DNAJC13: variants seen among roughly 807,000 people sequenced by gnomAD.
DNAJC13 encodes the protein DnaJ heat shock protein family (Hsp40) member C13.
Under a neutral mutation model 290.5 loss-of-function variants are expected in DNAJC13, and 75 were observed. That is an observed-to-expected ratio of 0.26 (90% CI 0.21 to 0.31). The LOEUF (loss-of-function observed/expected upper bound fraction) is 0.31. Ranked by LOEUF, DNAJC13 falls within the 10% of genes least tolerant of loss-of-function variation. The pLI is 1.00. For missense variants in DNAJC13, 2,260 were observed against 2,674.5 expected, an observed-to-expected ratio of 0.85 and a Z score of 3.42; for synonymous variants, 862 against 892.0, an observed-to-expected ratio of 0.97 and a Z score of 0.60.
At position 132,421,288 on chromosome 3, in the gene DNAJC13, T is replaced by C. The variant is rs190346265; in HGVS notation, c.-14+3528T>C. Among the ~76,000 whole-genome samples, 554 of 152,358 alleles carry C rather than the reference T, an allele frequency of 3.6e-3. 4 individuals are homozygous for C. Among genetic ancestry groups the C allele is most frequent in the African/African-American group, 0.013 (529 of 41,588 alleles). ...ATAAGCAAATGTGACATTTTCATTA[T>C]GCTCAAATTGTTCAGTAATACACCA... On this transcript the variant is annotated intron_variant, in intron 1 of 55. Coordinates refer to ENST00000260818, the MANE Select transcript of DNAJC13 (RefSeq NM_015268.4).
At chr3:132,428,626 A>G (rs183517000) in intron 1 of DNAJC13, among the ~76,000 whole-genome samples, 1 of 151,364 alleles carries the variant, frequency 6.6e-6, no homozygotes, top group Admixed American at 6.6e-5. Flanking sequence ...GTTATTTTAA[A>G]AGCTCGATGT....
intron 49 of DNAJC13, 56 bp downstream of exon 49, chr3:132,523,053 G>T: frequency 3.7e-6 from 6 of 1,600,496 alleles, no homozygotes; most frequent in Non-Finnish European, 5.1e-6. Context: ...ACTGGGAAGG[G>T]CAAACATTTC....
intron 39 of DNAJC13, among the ~76,000 whole-genome samples, chr3:132,501,295 G>A (rs1450840016): frequency 6.6e-6 from 1 of 152,156 alleles, no homozygotes; most frequent in Non-Finnish European, 1.5e-5. Flanking sequence ...GAGGTCAGGA[G>A]TTCAAGACCA....
intron 34 of DNAJC13, among the ~76,000 whole-genome samples, chr3:132,494,655 CTTGT>C (rs1438511207): frequency 6.6e-6 from 1 of 152,042 alleles, no homozygotes. Context: ...GCAGATTTAT[CTTGT>C]TTATCAGTGA....
At chr3:132,444,646 A>C (rs2107658712) in intron 2 of DNAJC13, among the ~76,000 whole-genome samples, 1 of 152,358 alleles carries the variant, frequency 6.6e-6, no homozygotes, top group South Asian at 2.1e-4. Context: ...ATTTTGAAAA[A>C]TAGTTTGTGA....
intron 1 of DNAJC13, among the ~76,000 whole-genome samples, chr3:132,426,758 A>G (rs1939102135): frequency 6.6e-6 from 1 of 152,122 alleles, no homozygotes; most frequent in African/African-American, 2.4e-5. Flanking sequence ...TACAGAGGAA[A>G]TATTGACTGC....
In DNAJC13 at chr3:132,525,698, A is replaced by G. The variant is rs757653025; in HGVS notation, c.6149A>G (p.His2050Arg). ...QLADQVPPLGHLPKVIQAMNH... is the reference protein window; with the variant it reads ...QLADQVPPLGRLPKVIQAMNH... ...GCAGATCAGGTCCCGCCATTGGGCC[A>G]TCTTCCCAAAGTTATCCAGGCAATG... Residue 2050 changes from histidine to arginine, a missense_variant, in exon 52 of 56, where the codon CAT (histidine) becomes CGT (arginine). Physicochemically the swap from His to Arg is conservative, Grantham distance 29. This residue lies in a region of DNAJC13 where 1,494 missense variants were observed against 1,693.7 expected (regional missense o/e 0.88). Coordinates refer to ENST00000260818, the MANE Select transcript of DNAJC13 (RefSeq NM_015268.4). 1.2e-6 allele frequency: 2 copies of G among 1,614,226 alleles called. No individual in the cohort carries two copies. Among genetic ancestry groups the G allele is most frequent in the South Asian group, 1.1e-5 (1 of 91,086 alleles).
intron 46 of DNAJC13, chr3:132,514,921 T>TACGGAGACCGCC: frequency 5.1e-6 from 1 of 194,552 alleles, no homozygotes; most frequent in Non-Finnish European, 9.2e-6. Flanking sequence ...TTCAGTTTGT[T>TACGGAGACCGCC]GAGATCTACA....
rs368353479 is a variant in DNAJC13, at chr3:132,514,633, G to A, written c.5448G>A (p.Leu1816=). The stretch of plus-strand genomic sequence containing the variant: ...ACAATATTGCTGAATCAATGGTTTT[G>A]TCCAGTTTATTGGCTCTTCTACATT... ...CVNNIAESMV[L]SSLLALLHSL... is the part of the protein sequence containing the mutation. The change falls in exon 46 of 56, where the codon TTG becomes TTA. Residue 1816 remains leucine, a synonymous_variant. Coordinates refer to ENST00000260818, the MANE Select transcript of DNAJC13 (RefSeq NM_015268.4). 100 of 1,611,574 alleles carry A rather than the reference G, an allele frequency of 6.2e-5. No individual in the cohort carries two copies. The highest frequency in any genetic ancestry group is 1.7e-4 in the Admixed American group (10 of 59,686).
intron 9 of DNAJC13, among the ~76,000 whole-genome samples, chr3:132,455,912 A>G (rs1933582844): frequency 6.6e-6 from 1 of 152,262 alleles, no homozygotes; most frequent in African/African-American, 2.4e-5. Flanking sequence ...GTATAAATTT[A>G]TTAAAAATTA....
chr3:132,526,631 A>C (rs2107748989), intron 53 of DNAJC13, among the ~76,000 whole-genome samples: 1 of 152,282 alleles, frequency 6.6e-6, no homozygotes, highest in South Asian at 2.1e-4. Flanking sequence ...GTTTAGCTTG[A>C]TTTGTAAAAT....
At chr3:132,504,022 C>T (rs1201633821) in intron 41 of DNAJC13, among the ~76,000 whole-genome samples, 2 of 150,164 alleles carry the variant, frequency 1.3e-5, no homozygotes, top group Non-Finnish European at 3.0e-5. Context: ...TAAATGAAGA[C>T]ACTAGATCCT....
chr3:132,477,971 TA>T lies in DNAJC13; in HGVS notation c.2550-6del, dbSNP rs113935713. The T allele has an allele frequency of 3.5e-3, 4,841 of 1,374,526 alleles. No homozygotes were observed. The highest frequency in any genetic ancestry group is 0.013 in the East Asian group (407 of 31,130). 85.1% of individuals were successfully genotyped at this position (1,374,526 alleles called of 1,614,324 possible). ...TATTTCTATTGTGAACTTTTTTTTT[TA>T]AAATCTAGGTATGAATTTTTCAATG... On this transcript the variant is annotated splice_polypyrimidine_tract_variant and intron_variant, in intron 23 of 55. Coordinates refer to ENST00000260818, the MANE Select transcript of DNAJC13 (RefSeq NM_015268.4).
rs746374202 is a variant in DNAJC13 at position 132,483,229 on chromosome 3, G to C, written c.2980-146G>C. The C allele has an allele frequency of 6.2e-6, 5 of 811,528 alleles. No homozygotes were observed. In the East Asian group the frequency reaches 1.1e-4, roughly 18 times the overall value. The allele number at this position is 811,528 out of a possible 1,614,324, so 50.3% of individuals were successfully genotyped here. On this transcript the variant is annotated intron_variant, in intron 27 of 55. Coordinates refer to ENST00000260818, the MANE Select transcript of DNAJC13 (RefSeq NM_015268.4). ...ATTAACCAAATTTGGGTTCCTAAAG[G>C]CCTGTCAACAAAACTTATTTTTTCT... is the stretch of plus-strand genomic sequence containing the variant.
Position 132,494,959 on chromosome 3 carries a change from TTTGAAGCCTAATATATAATCATATACAA to T in DNAJC13, c.3942-126_3942-99del, listed in dbSNP as rs1576499052. On this transcript the variant is annotated intron_variant, in intron 34 of 55. Coordinates refer to ENST00000260818, the MANE Select transcript of DNAJC13 (RefSeq NM_015268.4). ...AAATCTTAATTCTTTCTGGGTTTAA[TTTGAAGCCTAATATATAATCATATACAA>T]TTCTTGATATTAGATTCTTAAAATA... 5.8e-6 allele frequency: 3 copies of T among 514,978 alleles called. No individual in the cohort carries two copies. In the East Asian group the frequency reaches 1.0e-4, roughly 17 times the overall value. The allele number at this position is 514,978 out of a possible 1,614,324, so 31.9% of individuals were successfully genotyped here. A position where few individuals can be genotyped will look rare whatever the true frequency, so the allele number is the denominator to read the frequency against.
In DNAJC13 at chr3:132,434,489, T is replaced by TTG. The variant is rs1553742337; in HGVS notation, c.-13-48_-13-47insGT. The TTG allele has an allele frequency of 3.7e-6, 5 of 1,354,470 alleles. No individual in the cohort carries two copies. The African/African-American group carries it at 7.4e-5, about 20-fold the overall frequency. 83.9% of individuals were successfully genotyped at this position (1,354,470 alleles called of 1,614,324 possible). A position where few individuals can be genotyped will look rare whatever the true frequency, so the allele number is the denominator to read the frequency against. On this transcript the variant is annotated intron_variant, in intron 1 of 55. Coordinates refer to ENST00000260818, the MANE Select transcript of DNAJC13 (RefSeq NM_015268.4). ...CTTTCTTAGGGGAATCTTGGAAAGA[T>TTG]TAAAGATATATAACATGTACTAAGT...
At chr3:132,513,587 T>A (rs1180034058) in intron 45 of DNAJC13, among the ~76,000 whole-genome samples, 1 of 152,170 alleles carries the variant, frequency 6.6e-6, no homozygotes, top group Non-Finnish European at 1.5e-5. Flanking sequence ...TCTGTGAGGG[T>A]TACAGACAGA....
At chr3:132,445,417 TTGG>T (rs1933213857) in intron 2 of DNAJC13, among the ~76,000 whole-genome samples, 2 of 152,216 alleles carry the variant, frequency 1.3e-5, no homozygotes, top group African/African-American at 4.8e-5. Context: ...TGAAAATAGA[TTGG>T]TGGGTTTTTT....
chr3:132,537,838 T>TG (rs1936642476), intron 55 of DNAJC13, among the ~76,000 whole-genome samples: 2 of 152,242 alleles, frequency 1.3e-5, no homozygotes, highest in African/African-American at 4.8e-5. Flanking sequence ...TTTGTCTGTC[T>TG]GTTTCCATTT....
Sources: allele counts gnomAD v4.1 joint callset (sites outside exome capture counted in the v4.1 genomes callset), GRCh38; gene constraint gnomAD v4.1.1; regional missense constraint gnomAD v4.1.1; transcripts MANE v1.5; gene names NCBI Gene and HGNC (gene_info 2026-07-23, HGNC 2026-07-21).